The following TGM3 variants were observed in gnomAD, a reference collection of about 807,000 sequenced individuals.
TGM3 encodes the protein transglutaminase 3.
A neutral mutation model predicts 73.8 loss-of-function variants in TGM3; 52 were observed. The ratio of observed to expected loss-of-function variants is 0.70; its 90% CI spans 0.56 to 0.89. The LOEUF is 0.89. TGM3 is among the 40% of genes least tolerant of loss of function. The pLI is 0.00. For synonymous variants in TGM3, 372 were observed against 354.9 expected (o/e 1.05, Z -0.54); for missense variants, 928 against 909.9 (o/e 1.02, Z -0.26).
chr20:2,335,982 A>T (rs1449619349), intron 11 of TGM3, among the ~76,000 whole-genome samples: 1 of 152,234 alleles, frequency 6.6e-6, no homozygotes, highest in Non-Finnish European at 1.5e-5. Flanking sequence ...GTCCTGGTAC[A>T]TCACCAGCCA....
At chr20:2,299,723 T>C (rs1476884228) in intron 1 of TGM3, among the ~76,000 whole-genome samples, 1 of 152,188 alleles carries the variant, frequency 6.6e-6, no homozygotes, top group African/African-American at 2.4e-5. Flanking sequence ...TGAAGGAGCT[T>C]TTATAAGTGT....
At chr20:2,326,283 T>C (rs912229129) in intron 8 of TGM3, among the ~76,000 whole-genome samples, 1 of 152,234 alleles carries the variant, frequency 6.6e-6, no homozygotes, top group Non-Finnish European at 1.5e-5. Context: ...AGAAAATTCA[T>C]GGTTCCCTGT....
At chr20:2,303,351 T>A (rs1205567245) in intron 1 of TGM3, among the ~76,000 whole-genome samples, 2 of 151,458 alleles carry the variant, frequency 1.3e-5, no homozygotes, top group Non-Finnish European at 3.0e-5. Flanking sequence ...AATAGGCAAA[T>A]CCACAGAGAC....
chr20:2,339,801 A>G, intron 11 of TGM3, 53 bp from the exon 12 acceptor site: 1 of 1,609,620 alleles, frequency 6.2e-7, no homozygotes, highest in Non-Finnish European at 8.5e-7. Flanking sequence ...ACCAAGGTGC[A>G]GGCAGGGGCT....
chr20:2,321,052 C>T (rs970786540), intron 7 of TGM3, among the ~76,000 whole-genome samples: 4 of 152,190 alleles, frequency 2.6e-5, no homozygotes, highest in Admixed American at 6.5e-5. Context: ...AATCTCTCCA[C>T]GGCCTCTGCC....
intron 1 of TGM3, among the ~76,000 whole-genome samples, chr20:2,303,134 A>G (rs529517441): frequency 6.6e-6 from 1 of 152,096 alleles, no homozygotes. Flanking sequence ...CCCTGTCTCT[A>G]TTAAAAATAC....
intron 7 of TGM3, among the ~76,000 whole-genome samples, 186 bp downstream of exon 7, chr20:2,317,671 C>A (rs1402177312): frequency 6.6e-6 from 1 of 151,954 alleles, no homozygotes; most frequent in African/African-American, 2.4e-5. Context: ...CACCTCTTCT[C>A]GGTGCTCTGC....
chr20:2,328,285 C>A lies in TGM3; in HGVS notation c.1253C>A (p.Thr418Asn), dbSNP rs764421689. 6 of 1,614,056 alleles carry A rather than the reference C, an allele frequency of 3.7e-6. No individual in the cohort carries two copies. In the African/African-American group the frequency reaches 6.7e-5, roughly 18 times the overall value. Residue 418 changes from threonine (T) to asparagine (N), a missense_variant, in exon 9 of 13, where the codon ACC (threonine) becomes AAC (asparagine). Coordinates refer to ENST00000381458, the MANE Select transcript of TGM3 (RefSeq NM_003245.4). This position sits in a 1 kb window ranked among gnomAD's most constrained non-coding sequence, Gnocchi z 5.2. ...KQWKNSVNSH[T>N]IGRYISTKAV... ...TGGAAGAATTCCGTGAACAGTCACA[C>A]CATTGGCAGGTACATCAGCACCAAG...
intron 7 of TGM3, among the ~76,000 whole-genome samples, chr20:2,322,213 T>A (rs1171272545): frequency 6.6e-6 from 1 of 152,152 alleles, no homozygotes; most frequent in Non-Finnish European, 1.5e-5. Flanking sequence ...TCAAAATACA[T>A]ACAGAAATAA....
Position 2,311,058 on chromosome 20 carries a change from C to G in TGM3, c.469C>G (p.Gln157Glu). ...CCACGCTGAGAGAGAAGAGTATGTT[C>G]AGGAAGATGCCGGCATCATCTTTGT... is the stretch of plus-strand genomic sequence containing the variant. Reference protein sequence around the residue: ...GNHAEREEYVQEDAGIIFVGS... With the variant: ...GNHAEREEYVEEDAGIIFVGS... Residue 157 changes from glutamine (Q) to glutamate (E), a missense_variant, in exon 4 of 13, where the codon CAG (glutamine) becomes GAG (glutamate). Coordinates refer to ENST00000381458, the MANE Select transcript of TGM3 (RefSeq NM_003245.4). The G allele has an allele frequency of 6.2e-7, 1 of 1,614,092 alleles. No individual in the cohort carries two copies. The highest frequency in any genetic ancestry group is 1.3e-5 in the African/African-American group (1 of 75,028).
chr20:2,340,904 A>T lies in TGM3; in HGVS notation c.*323A>T. ...GGATGGACTGGCCCCTGACCCAGGG[A>T]CTCTCCAAACGGGATACAGGAGAGA... On this transcript the variant is annotated 3_prime_UTR_variant, in exon 13 of 13. Coordinates refer to ENST00000381458, the MANE Select transcript of TGM3 (RefSeq NM_003245.4). 2.0e-6 allele frequency: 1 copy of T among 505,818 alleles called. No individual in the cohort carries two copies. Among genetic ancestry groups the T allele is most frequent in the South Asian group, 1.5e-5 (1 of 64,960 alleles). The allele number at this position is 505,818 out of a possible 1,614,324, so 31.3% of individuals were successfully genotyped here.
Position 2,309,623 on chromosome 20 carries a change from C to T in TGM3, c.8-34C>T, listed in dbSNP as rs528459791. ...TCCCCCACACCACCATCCCTTGCCT[C>T]CTAGGACTTCAGGTTCTCCTTTCTG... On this transcript the variant is annotated intron_variant, in intron 1 of 12. Coordinates refer to ENST00000381458, the MANE Select transcript of TGM3 (RefSeq NM_003245.4). 2.6e-4 allele frequency: 422 copies of T among 1,610,914 alleles called. 3 individuals carry two copies. In the South Asian group the frequency reaches 4.5e-3, roughly 17 times the overall value.
rs2084201049 is a variant in TGM3, at chr20:2,311,073, A to G, written c.484A>G (p.Ile162Val). Residue 162 changes from isoleucine (I) to valine (V), a missense_variant, in exon 4 of 13, where the codon ATC (isoleucine) becomes GTC (valine). By Grantham distance (29) the Ile-to-Val change is conservative (BLOSUM62 3). Transcript: ENST00000381458. ...REEYVQEDAG[I>V]IFVGSTNRIG... ...AGAGTATGTTCAGGAAGATGCCGGC[A>G]TCATCTTTGTGGGAAGCACAAACCG... 1 of 1,614,054 alleles carries G rather than the reference A, an allele frequency of 6.2e-7. No individual in the cohort carries two copies. Among genetic ancestry groups the G allele is most frequent in the African/African-American group, 1.3e-5 (1 of 74,920 alleles).
intron 1 of TGM3, among the ~76,000 whole-genome samples, chr20:2,297,219 T>G (rs1028330211): frequency 2.0e-5 from 3 of 152,220 alleles, no homozygotes; most frequent in South Asian, 4.1e-4. Context: ...CAGAGCCAGC[T>G]AGGTCTCAGC....
chr20:2,299,487 C>T (rs1489971544), intron 1 of TGM3, among the ~76,000 whole-genome samples: 1 of 152,192 alleles, frequency 6.6e-6, no homozygotes, highest in Non-Finnish European at 1.5e-5. Context: ...TTCTCCTCCC[C>T]AGGGCCCACG....
chr20:2,306,205 G>A (rs1256782021), intron 1 of TGM3, among the ~76,000 whole-genome samples: 1 of 152,202 alleles, frequency 6.6e-6, no homozygotes, highest in East Asian at 1.9e-4. Flanking sequence ...AAGAGATGCT[G>A]AGTACCCCGC....
chr20:2,313,154 A>G (rs2084216028), intron 5 of TGM3, 128 bp downstream of exon 5: 2 of 1,346,382 alleles, frequency 1.5e-6, no homozygotes, highest in Non-Finnish European at 1.0e-6. Context: ...GGTGGTTAGA[A>G]CCATCCACAT....
At chr20:2,339,799 G>A in intron 11 of TGM3, 55 bp from the exon 12 acceptor site, 1 of 1,609,826 alleles carries the variant, frequency 6.2e-7, no homozygotes, top group African/African-American at 1.3e-5. Context: ...TCACCAAGGT[G>A]CAGGCAGGGG....
intron 1 of TGM3, among the ~76,000 whole-genome samples, chr20:2,300,041 G>A (rs1439030619): frequency 1.3e-5 from 2 of 151,616 alleles, no homozygotes; most frequent in African/African-American, 4.9e-5. Flanking sequence ...CAGGAGGCAG[G>A]GGTTGCAGTG....
Sources: gnomAD v4.1 joint callset for allele counts (sites outside exome capture counted in the v4.1 genomes callset) on GRCh38, gnomAD v4.1.1 for gene constraint, Gnocchi (gnomAD v3.1) non-coding constraint, MANE v1.5 for transcripts, NCBI Gene and HGNC (gene_info 2026-07-23, HGNC 2026-07-21) for gene names.